The following MSRB3 variants were observed in gnomAD, a reference collection of about 807,000 sequenced individuals.
MSRB3 encodes the protein methionine sulfoxide reductase B3.
A neutral mutation model predicts 21.0 loss-of-function variants in MSRB3; 13 were observed. The ratio of observed to expected loss-of-function variants is 0.62; its 90% CI spans 0.40 to 0.98. MSRB3 has a LOEUF of 0.98. Among genes scored for constraint, MSRB3 ranks in the 50% least tolerant of loss-of-function variants. MSRB3 has a pLI of 0.00. For missense variants in MSRB3, 199 were observed against 230.3 expected, an observed-to-expected ratio of 0.86 and a Z score of 0.88; for synonymous variants, 87 against 88.6, an observed-to-expected ratio of 0.98 and a Z score of 0.10.
At chr12:65,293,722 C>T (rs1872788611) in intron 1 of MSRB3, among the ~76,000 whole-genome samples, 1 of 152,220 alleles carries the variant, frequency 6.6e-6, no homozygotes, top group Non-Finnish European at 1.5e-5. Flanking sequence ...TTTTGCTTCA[C>T]TAAGACGTAA....
At chr12:65,297,541 G>A (rs915081575) in intron 1 of MSRB3, among the ~76,000 whole-genome samples, 3 of 152,150 alleles carry the variant, frequency 2.0e-5, no homozygotes, top group Non-Finnish European at 4.4e-5. Context: ...CTAAGGTTAG[G>A]CATCGTGTTA....
intron 1 of MSRB3, chr12:65,285,902 A>G (rs949389370): frequency 2.6e-5 from 4 of 152,230 alleles, no homozygotes; most frequent in African/African-American, 9.7e-5. Flanking sequence ...TCCTGATTCT[A>G]GGTTTATAAA....
At chr12:65,289,280 A>G (rs1872553339) in intron 1 of MSRB3, among the ~76,000 whole-genome samples, 1 of 152,168 alleles carries the variant, frequency 6.6e-6, no homozygotes, top group Non-Finnish European at 1.5e-5. Flanking sequence ...GGATCACCTG[A>G]GGTCAGGAGT....
At chr12:65,341,320 CAT>C (rs1351900663) in intron 4 of MSRB3, among the ~76,000 whole-genome samples, 5 of 152,012 alleles carry the variant, frequency 3.3e-5, no homozygotes, top group Admixed American at 3.3e-4. Context: ...ACAAACATCA[CAT>C]GTTCTCACTT....
chr12:65,313,634 G>T (rs1050221476), intron 2 of MSRB3, among the ~76,000 whole-genome samples: 2 of 151,968 alleles, frequency 1.3e-5, no homozygotes, highest in Non-Finnish European at 2.9e-5. Context: ...CTAAAACTCG[G>T]ATCAGAACAC....
At chr12:65,358,396 A>G (rs1342553156) in intron 4 of MSRB3, among the ~76,000 whole-genome samples, 4 of 151,950 alleles carry the variant, frequency 2.6e-5, no homozygotes, top group Non-Finnish European at 5.9e-5. Flanking sequence ...TTATATCAGT[A>G]TAGACTCATG....
intron 4 of MSRB3, among the ~76,000 whole-genome samples, chr12:65,331,209 G>A (rs1262863622): frequency 1.3e-5 from 2 of 152,164 alleles, no homozygotes; most frequent in African/African-American, 4.8e-5. Context: ...GTATCAGTCA[G>A]CACCCAGTCA....
intron 5 of MSRB3, among the ~76,000 whole-genome samples, chr12:65,397,814 T>C (rs1565872897): frequency 1.3e-5 from 2 of 152,184 alleles, no homozygotes; most frequent in Non-Finnish European, 2.9e-5. Flanking sequence ...TATGTCCATG[T>C]GTTCTCATTG....
chr12:65,364,257 T>A (rs1386914680), intron 4 of MSRB3, among the ~76,000 whole-genome samples: 5 of 152,162 alleles, frequency 3.3e-5, no homozygotes, highest in African/African-American at 1.2e-4. Flanking sequence ...GTCATATGGG[T>A]ACAACTAGCA....
chr12:65,456,032 C>G (rs1565900240), intron 6 of MSRB3, among the ~76,000 whole-genome samples: 1 of 152,184 alleles, frequency 6.6e-6, no homozygotes, highest in Admixed American at 6.5e-5. Context: ...CCACCGTGCC[C>G]AGCCTGCAAT....
chr12:65,377,001 A>G (rs1878661798), intron 5 of MSRB3, among the ~76,000 whole-genome samples: 1 of 152,108 alleles, frequency 6.6e-6, no homozygotes, highest in Non-Finnish European at 1.5e-5. Context: ...TATGATTCAA[A>G]TGTTTGTTTT....
intron 1 of MSRB3, among the ~76,000 whole-genome samples, chr12:65,283,449 G>GAGAT (rs1183067441): frequency 8.2e-6 from 1 of 122,240 alleles, no homozygotes; most frequent in Non-Finnish European, 1.7e-5. Context: ...TTTTTTTTTT[G>GAGAT]AGATAGGATC....
intron 5 of MSRB3, among the ~76,000 whole-genome samples, chr12:65,371,196 C>T (rs765177178): frequency 3.9e-5 from 6 of 151,942 alleles, no homozygotes; most frequent in Non-Finnish European, 7.4e-5. Context: ...GGCGTGGTGG[C>T]ACATGCCTGT....
At chr12:65,432,235 T>A (rs1397256815) in intron 5 of MSRB3, among the ~76,000 whole-genome samples, 1 of 152,004 alleles carries the variant, frequency 6.6e-6, no homozygotes, top group Non-Finnish European at 1.5e-5. Flanking sequence ...TATTCACATA[T>A]ATGCAGAAAA....
chr12:65,350,505 A>T (rs1448130640), intron 4 of MSRB3, among the ~76,000 whole-genome samples: 3 of 151,506 alleles, frequency 2.0e-5, no homozygotes, highest in Non-Finnish European at 4.4e-5. Context: ...CAATGAAAAG[A>T]CACAGACTGG....
intron 2 of MSRB3, among the ~76,000 whole-genome samples, chr12:65,310,517 T>C (rs1048059804): frequency 3.5e-5 from 5 of 141,806 alleles, no homozygotes; most frequent in African/African-American, 1.2e-4. Flanking sequence ...TACATAATGA[T>C]GTTTTCCTCT....
intron 1 of MSRB3, among the ~76,000 whole-genome samples, chr12:65,304,698 C>T (rs1873544678): frequency 6.6e-6 from 1 of 152,200 alleles, no homozygotes; most frequent in Non-Finnish European, 1.5e-5. Context: ...CTGATTTCTA[C>T]AGGGTGTTTA....
At chr12:65,308,720 A>G in intron 2 of MSRB3, 65 bp downstream of exon 2, 1 of 1,606,424 alleles carries the variant, frequency 6.2e-7, no homozygotes, top group East Asian at 2.2e-5. Context: ...TGCTGCAGGA[A>G]ATGATACACC....
chr12:65,328,761 A>C (rs1361277116), intron 4 of MSRB3, among the ~76,000 whole-genome samples, 158 bp downstream of exon 4: 2 of 152,200 alleles, frequency 1.3e-5, no homozygotes, highest in Non-Finnish European at 2.9e-5. Flanking sequence ...TATTGATTTC[A>C]TGGTAAATTA....
Sources: allele counts gnomAD v4.1 joint callset (sites outside exome capture counted in the v4.1 genomes callset), GRCh38; gene constraint gnomAD v4.1.1; transcripts MANE v1.5; gene names NCBI Gene and HGNC (gene_info 2026-07-23, HGNC 2026-07-21).